SCFD2: variants seen among roughly 807,000 people sequenced by gnomAD.
SCFD2 encodes the protein sec1 family domain-containing protein 2.
Under a neutral mutation model 58.9 loss-of-function variants are expected in SCFD2, and 54 were observed. The observed-to-expected ratio is 0.92, with a 90% CI of 0.74 to 1.15. The LOEUF (loss-of-function observed/expected upper bound fraction) is 1.15, where lower values mean the gene tolerates loss of function less well. Among genes scored for constraint, SCFD2 ranks in the 50% most tolerant of loss-of-function variants. The pLI is 0.00. For missense variants in SCFD2, 805 were observed against 836.6 expected, an observed-to-expected ratio of 0.96 and a Z score of 0.47; for synonymous variants, 321 against 335.9, an observed-to-expected ratio of 0.96 and a Z score of 0.49.
chr4:53,306,820 G>A (rs1024005495), intron 3 of SCFD2, among the ~76,000 whole-genome samples: 2 of 152,234 alleles, frequency 1.3e-5, no homozygotes, highest in Non-Finnish European at 1.5e-5. Context: ...ATCAGATGTG[G>A]TTCCACAGAG....
intron 5 of SCFD2, among the ~76,000 whole-genome samples, chr4:53,136,613 C>T (rs915771188): frequency 9.9e-5 from 15 of 152,178 alleles, no homozygotes; most frequent in African/African-American, 2.7e-4. Context: ...AGTGTATCTG[C>T]AAATAAATTC....
rs149152908 is a variant in SCFD2 at position 53,010,207 on chromosome 4, T to G, written c.1562-89337A>C. ...TGCTCTGGCCTCAAAGAAAACATAT[T>G]CAACACATTTCTATAGCTTTACAAG... On this transcript the variant is annotated intron_variant, in intron 5 of 8. Coordinates refer to ENST00000401642, the MANE Select transcript of SCFD2 (RefSeq NM_152540.4). Among the ~76,000 whole-genome samples, 552 of 152,348 alleles carry G rather than the reference T, an allele frequency of 3.6e-3. 5 individuals are homozygous for G. Among genetic ancestry groups the G allele is most frequent in the African/African-American group, 0.012 (517 of 41,578 alleles).
At chr4:52,948,010 A>G (rs540037970) in intron 5 of SCFD2, among the ~76,000 whole-genome samples, 1 of 151,774 alleles carries the variant, frequency 6.6e-6, no homozygotes, top group Non-Finnish European at 1.5e-5. Context: ...CCTAGAAGAA[A>G]TCATGTGAAT....
intron 4 of SCFD2, among the ~76,000 whole-genome samples, chr4:53,240,089 T>C (rs1729847949): frequency 2.6e-5 from 4 of 152,210 alleles, no homozygotes; most frequent in African/African-American, 4.8e-5. Context: ...AGTGAACAAC[T>C]TTTTGTCATA....
intron 2 of SCFD2, among the ~76,000 whole-genome samples, chr4:53,333,450 T>A (rs942606943): frequency 1.0e-4 from 14 of 139,254 alleles, no homozygotes; most frequent in Admixed American, 8.7e-4. Flanking sequence ...ATGCCGCATA[T>A]CTACAACTAT....
At chr4:53,255,325 C>G (rs939656700) in intron 4 of SCFD2, among the ~76,000 whole-genome samples, 2 of 151,874 alleles carry the variant, frequency 1.3e-5, no homozygotes, top group Non-Finnish European at 2.9e-5. Context: ...AAGTGAACAA[C>G]GGTCTCTGGT....
intron 5 of SCFD2, among the ~76,000 whole-genome samples, chr4:52,994,313 G>A (rs1721690879): frequency 6.6e-6 from 1 of 152,064 alleles, no homozygotes; most frequent in Non-Finnish European, 1.5e-5. Flanking sequence ...ATACTGCCTC[G>A]GACCACCCTG....
At chr4:53,115,409 T>C (rs1335039281) in intron 5 of SCFD2, among the ~76,000 whole-genome samples, 1 of 152,184 alleles carries the variant, frequency 6.6e-6, no homozygotes, top group African/African-American at 2.4e-5. Context: ...GCCAGGTCCA[T>C]CCTAGAAGCT....
chr4:52,874,087 C>A, intron 8 of SCFD2, 26 bp from the exon 9 acceptor site: 1 of 1,510,692 alleles, frequency 6.6e-7, no homozygotes, highest in Non-Finnish European at 9.2e-7. Flanking sequence ...GGCAAACACA[C>A]CGCAGGGAAT....
At chr4:53,225,035 T>C (rs1433296583) in intron 4 of SCFD2, among the ~76,000 whole-genome samples, 1 of 152,304 alleles carries the variant, frequency 6.6e-6, no homozygotes, top group East Asian at 1.9e-4. Context: ...AATCTCACTG[T>C]AAAACATCTA....
At chr4:53,348,701 TGA>T (rs1486937204) in intron 2 of SCFD2, among the ~76,000 whole-genome samples, 3 of 151,674 alleles carry the variant, frequency 2.0e-5, no homozygotes, top group Non-Finnish European at 4.4e-5. Flanking sequence ...GACTCATCTT[TGA>T]CACTTATGAC....
intron 2 of SCFD2, among the ~76,000 whole-genome samples, chr4:53,326,502 T>TA (rs547110491): frequency 0.011 from 1,666 of 149,366 alleles, 12 homozygotes; most frequent in African/African-American, 0.015. Context: ...CTTAACCTGA[T>TA]AAAAAAAAAA....
intron 4 of SCFD2, among the ~76,000 whole-genome samples, chr4:53,183,384 C>T (rs1727638756): frequency 6.6e-6 from 1 of 152,104 alleles, no homozygotes; most frequent in Non-Finnish European, 1.5e-5. Flanking sequence ...CCATCATCCT[C>T]AGCAAACTAT....
Position 53,076,531 on chromosome 4 carries a change from G to A in SCFD2, c.1561+68802C>T, listed in dbSNP as rs187115267. ...AGCCACTCCGGGGCTAAGCAAATGCGCTGATATCTAGTTGGCCTTGTGTCC... is the reference window on the plus strand; with the variant it reads ...AGCCACTCCGGGGCTAAGCAAATGCACTGATATCTAGTTGGCCTTGTGTCC... On this transcript the variant is annotated intron_variant, in intron 5 of 8. Coordinates refer to ENST00000401642, the MANE Select transcript of SCFD2 (RefSeq NM_152540.4). Among the ~76,000 whole-genome samples the A allele has an allele frequency of 1.1e-3, 160 of 152,210 alleles. 1 individual carries two copies. Among genetic ancestry groups the A allele is most frequent in the African/African-American group, 3.7e-3 (152 of 41,534 alleles).
chr4:53,235,313 C>T (rs1729564695), intron 4 of SCFD2, among the ~76,000 whole-genome samples: 1 of 152,218 alleles, frequency 6.6e-6, no homozygotes, highest in Admixed American at 6.5e-5. Context: ...GATATCTCTC[C>T]AGACTCTGGT....
intron 7 of SCFD2, among the ~76,000 whole-genome samples, chr4:52,896,109 G>A (rs552668728): frequency 4.6e-5 from 7 of 152,174 alleles, no homozygotes; most frequent in African/African-American, 1.7e-4. Flanking sequence ...CCATTCTGTA[G>A]GTTGCCTGTT....
Position 53,365,284 on chromosome 4 carries a change from C to G in SCFD2, c.658G>C (p.Val220Leu), listed in dbSNP as rs1734662170. 9 of 1,614,112 alleles carry G rather than the reference C, an allele frequency of 5.6e-6. No individual in the cohort carries two copies. The highest frequency in any genetic ancestry group is 7.6e-6 in the Non-Finnish European group (9 of 1,180,036). ...PELLLQIRCLVSGLSSLCEHL... is the reference protein window; with the variant it reads ...PELLLQIRCLLSGLSSLCEHL... ...TCACACAGAGAACTGAGGCCTGACACTAGGCATCTGATCTGCAGCAGCAGC... is the reference window on the plus strand; with the variant it reads ...TCACACAGAGAACTGAGGCCTGACAGTAGGCATCTGATCTGCAGCAGCAGC... Residue 220 changes from valine (V) to leucine (L), a missense_variant, in exon 1 of 9, where the codon GTG (valine) becomes CTG (leucine). Around this residue, in one of 3 missense-constraint regions of SCFD2, gnomAD observed 633 missense variants for 646.8 expected, o/e 0.98. Coordinates refer to ENST00000401642, the MANE Select transcript of SCFD2 (RefSeq NM_152540.4). This position sits in a 1 kb window ranked among gnomAD's most constrained non-coding sequence, Gnocchi z 4.3.
chr4:53,172,191 G>C (rs1727201062), intron 4 of SCFD2, among the ~76,000 whole-genome samples: 1 of 151,744 alleles, frequency 6.6e-6, no homozygotes, highest in Non-Finnish European at 1.5e-5. Flanking sequence ...ATTTTTAGTA[G>C]ACAGGTTTTC....
chr4:53,325,448 A>C (rs1345862162), intron 2 of SCFD2, among the ~76,000 whole-genome samples: 1 of 152,212 alleles, frequency 6.6e-6, no homozygotes, highest in African/African-American at 2.4e-5. Context: ...GAAGGAGTAA[A>C]AAATAGAAGA....
Sources: allele counts gnomAD v4.1 joint callset (sites outside exome capture counted in the v4.1 genomes callset), GRCh38; gene constraint gnomAD v4.1.1; regional missense constraint gnomAD v4.1.1; non-coding constraint Gnocchi (gnomAD v3.1); transcripts MANE v1.5; gene names NCBI Gene and HGNC (gene_info 2026-07-23, HGNC 2026-07-21).